Variants in EPB41 observed in about 807,000 individuals in gnomAD.
The protein encoded by EPB41 is protein 4.1.
In EPB41, 65 loss-of-function variants were observed where a neutral mutation model predicts 108.0. The observed-to-expected ratio is 0.60, with a 90% CI of 0.49 to 0.74. EPB41 has a LOEUF of 0.74. Among genes scored for constraint, EPB41 ranks in the 30% least tolerant of loss-of-function variants. The pLI is 0.00. For missense variants in EPB41, 875 were observed against 1,037.0 expected, an observed-to-expected ratio of 0.84 and a Z score of 2.15; for synonymous variants, 336 against 358.9, an observed-to-expected ratio of 0.94 and a Z score of 0.72.
chr1:28,900,353 C>A (rs943848634), intron 1 of EPB41, among the ~76,000 whole-genome samples: 1 of 150,176 alleles, frequency 6.7e-6, no homozygotes, highest in Admixed American at 6.7e-5. Context: ...AGTGGCATGA[C>A]CTCGGGTTAC....
intron 1 of EPB41, among the ~76,000 whole-genome samples, chr1:28,976,319 A>G (rs1400267847): frequency 1.3e-5 from 2 of 152,148 alleles, no homozygotes; most frequent in Non-Finnish European, 2.9e-5. Context: ...TATTCAATAC[A>G]TGCTAGCTGC....
At chr1:29,116,387 G>A (rs1444700854) in intron 20 of EPB41, among the ~76,000 whole-genome samples, 1 of 152,080 alleles carries the variant, frequency 6.6e-6, no homozygotes, top group African/African-American at 2.4e-5. Context: ...GACCTCAAAT[G>A]ATCCACCTGG....
chr1:28,902,438 A>T (rs2091403171), intron 1 of EPB41: 1 of 954,210 alleles, frequency 1.0e-6, no homozygotes, highest in East Asian at 1.2e-4. Flanking sequence ...TTTCAGCAGA[A>T]ATCATAGCAG....
chr1:28,973,097 A>G (rs1391006028), intron 1 of EPB41, among the ~76,000 whole-genome samples: 1 of 152,126 alleles, frequency 6.6e-6, no homozygotes, highest in African/African-American at 2.4e-5. Flanking sequence ...TGGGGGATTG[A>G]TTTTTATCAG....
intron 3 of EPB41, among the ~76,000 whole-genome samples, chr1:28,996,012 A>G (rs1231239991): frequency 6.6e-6 from 1 of 152,226 alleles, no homozygotes; most frequent in Non-Finnish European, 1.5e-5. Flanking sequence ...AAATGATTCT[A>G]ATTTTTTGAA....
In EPB41 at chr1:29,115,765, G is replaced by A. The variant is rs1486863164; in HGVS notation, c.2563G>A (p.Val855Ile). 7 of 1,614,032 alleles carry A rather than the reference G, an allele frequency of 4.3e-6. No individual in the cohort carries two copies. Among genetic ancestry groups the A allele is most frequent in the Admixed American group, 1.7e-5 (1 of 60,016 alleles). Residue 855 changes from valine to isoleucine, a missense_variant, in exon 20 of 21, where the codon GTC becomes ATC. By Grantham distance (29) the Val-to-Ile change is conservative (BLOSUM62 3). Transcript: ENST00000343067. The surrounding 1 kb of genome is among the most constrained non-coding windows in gnomAD (Gnocchi z 4.4). ...HPDMSVTKVV[V>I]HQETEIADE is the part of the protein sequence containing the mutation. ...AGACATGTCAGTGACCAAGGTGGTC[G>A]TCCACCAGGAGACCGAGATTGCTGA...
chr1:28,965,522 G>C (rs1320855971), intron 1 of EPB41, among the ~76,000 whole-genome samples: 1 of 152,082 alleles, frequency 6.6e-6, no homozygotes, highest in African/African-American at 2.4e-5. Context: ...GAGGTAACAG[G>C]GTTTTTGAGT....
At chr1:29,046,029 T>C (rs1643089610) in intron 11 of EPB41, among the ~76,000 whole-genome samples, 1 of 152,032 alleles carries the variant, frequency 6.6e-6, no homozygotes, top group Non-Finnish European at 1.5e-5. Flanking sequence ...AAATTTTTTA[T>C]TTTTTGTTCA....
rs567996242 is a variant in EPB41 at position 29,073,413 on chromosome 1, T to C, written c.2184+8255T>C. The stretch of plus-strand genomic sequence containing the variant: ...AACCTACTTCATGAGAATGAATACG[T>C]AATAAATTCCAGGAACCAGAGACCC... On this transcript the variant is annotated intron_variant, in intron 16 of 20. Transcript: ENST00000343067. Among the ~76,000 whole-genome samples the C allele has an allele frequency of 4.3e-4, 66 of 152,340 alleles. 1 individual carries two copies. In the South Asian group the frequency reaches 6.2e-3, roughly 14 times the overall value.
Position 28,949,404 on chromosome 1 carries a change from C to G in EPB41, c.-8+34636C>G, listed in dbSNP as rs187511507. Among the ~76,000 whole-genome samples the G allele has an allele frequency of 3.7e-3, 566 of 152,206 alleles. 6 individuals carry two copies. Among genetic ancestry groups the G allele is most frequent in the African/African-American group, 0.013 (527 of 41,536 alleles). On this transcript the variant is annotated intron_variant, in intron 1 of 20. Transcript: ENST00000343067. ...GCTGTGAGCCATGATGGCATCACTGCACTCCAGTATGAGTGACAGAGTGAG... is the reference window on the plus strand; with the variant it reads ...GCTGTGAGCCATGATGGCATCACTGGACTCCAGTATGAGTGACAGAGTGAG...
chr1:28,916,990 TA>T (rs1489118210), intron 1 of EPB41, among the ~76,000 whole-genome samples: 1 of 151,950 alleles, frequency 6.6e-6, no homozygotes, highest in Non-Finnish European at 1.5e-5. Flanking sequence ...ACAGTCTCAC[TA>T]TGTTGCCTAG....
intron 1 of EPB41, among the ~76,000 whole-genome samples, chr1:28,907,355 C>T (rs2091917706): frequency 6.6e-6 from 1 of 150,564 alleles, no homozygotes; most frequent in African/African-American, 2.5e-5. Context: ...GCATGAGCCA[C>T]TGCACCCGGC....
chr1:29,050,470 G>A (rs1401963568), intron 11 of EPB41, among the ~76,000 whole-genome samples: 2 of 152,234 alleles, frequency 1.3e-5, no homozygotes, highest in Non-Finnish European at 1.5e-5. Context: ...GAATACACAT[G>A]TATAATGATA....
chr1:29,022,009 A>G lies in EPB41; in HGVS notation c.1124+3567A>G, dbSNP rs545686671. ...TAGTACTTTTAGGAAAGCAACTGAC[A>G]GTATTTGTTGCTAATGACAAAATTC... On this transcript the variant is annotated intron_variant, in intron 7 of 20. Coordinates refer to ENST00000343067, the MANE Select transcript of EPB41 (RefSeq NM_001376013.1). Among the ~76,000 whole-genome samples, 5 of 152,340 alleles carry G rather than the reference A, an allele frequency of 3.3e-5. No individual in the cohort carries two copies. The East Asian group carries it at 9.6e-4, about 29-fold the overall frequency.
intron 6 of EPB41, among the ~76,000 whole-genome samples, chr1:29,016,294 G>T (rs1002626939): frequency 1.3e-5 from 2 of 151,666 alleles, no homozygotes; most frequent in African/African-American, 4.9e-5. Flanking sequence ...TTTTGCCTCA[G>T]CCTCCCGAGT....
chr1:29,068,777 G>T, intron 16 of EPB41: 1 of 1,232,118 alleles, frequency 8.1e-7, no homozygotes, highest in Non-Finnish European at 1.0e-6. Context: ...AGGTTGGTGG[G>T]CCAGAGGTAA....
intron 1 of EPB41, among the ~76,000 whole-genome samples, chr1:28,970,405 G>C (rs959926297): frequency 2.0e-5 from 3 of 152,128 alleles, no homozygotes; most frequent in Non-Finnish European, 4.4e-5. Flanking sequence ...AGATTGAGTT[G>C]GCTCTAAGAA....
chr1:28,997,260 C>A lies in EPB41; in HGVS notation c.727C>A (p.Leu243Ile). Residue 243 changes from leucine to isoleucine, a missense_variant, in exon 4 of 21, where the codon CTC (leucine) becomes ATC (isoleucine). Leu to Ile is a conservative substitution (Grantham distance 5, BLOSUM62 2). Around this residue, in one of 3 missense-constraint regions of EPB41, gnomAD observed 353 missense variants for 393.2 expected, o/e 0.90. Transcript: ENST00000343067. ...QDLLKRVCEH[L>I]NLLEEDYFGL... is the part of the protein sequence containing the mutation. Reference sequence around the variant, plus strand: ...TTTGCTTAAACGAGTATGTGAGCATCTCAATCTTTTGGAAGAAGACTATTT... The same window carrying A: ...TTTGCTTAAACGAGTATGTGAGCATATCAATCTTTTGGAAGAAGACTATTT... The A allele has an allele frequency of 6.2e-7, 1 of 1,614,190 alleles. No homozygotes were observed. Among genetic ancestry groups the A allele is most frequent in the African/African-American group, 1.3e-5 (1 of 75,052 alleles).
chr1:28,896,816 G>A (rs2090716149), intron 1 of EPB41, among the ~76,000 whole-genome samples: 1 of 77,382 alleles, frequency 1.3e-5, no homozygotes, highest in South Asian at 6.7e-4. Context: ...TGTGCCATGG[G>A]ATAAGGAGCA....
Sources: gnomAD v4.1 joint callset for allele counts (sites outside exome capture counted in the v4.1 genomes callset) on GRCh38, gnomAD v4.1.1 for gene constraint, gnomAD v4.1.1 regional missense constraint, Gnocchi (gnomAD v3.1) non-coding constraint, MANE v1.5 for transcripts, NCBI Gene and HGNC (gene_info 2026-07-23, HGNC 2026-07-21) for gene names.